PDZRN4: variants seen among roughly 807,000 people sequenced by gnomAD.
The protein encoded by PDZRN4 is PDZ domain-containing RING finger protein 4.
A neutral mutation model predicts 99.0 loss-of-function variants in PDZRN4; 70 were observed. That is an observed-to-expected ratio of 0.71 (90% CI 0.58 to 0.86). The LOEUF (loss-of-function observed/expected upper bound fraction) is 0.86. PDZRN4 is among the 40% of genes least tolerant of loss of function. The probability of loss-of-function intolerance (pLI) is 0.00; values close to 1 mark genes in which losing one functional copy is unlikely to be tolerated. For synonymous variants in PDZRN4, 551 were observed against 501.6 expected (o/e 1.10, Z -1.32); for missense variants, 1,474 against 1,331.2 (o/e 1.11, Z -1.67).
chr12:41,200,742 G>A (rs775993650), intron 3 of PDZRN4, among the ~76,000 whole-genome samples: 4 of 152,068 alleles, frequency 2.6e-5, no homozygotes, highest in Non-Finnish European at 5.9e-5. Context: ...TAACATACTG[G>A]TTTTTGCCCT....
intron 3 of PDZRN4, among the ~76,000 whole-genome samples, chr12:41,266,928 G>A (rs1278216145): frequency 2.0e-5 from 3 of 152,092 alleles, no homozygotes; most frequent in East Asian, 1.9e-4. Context: ...CACAGATTTT[G>A]TAGTACATAT....
At chr12:41,340,593 G>A (rs879585339) in intron 3 of PDZRN4, among the ~76,000 whole-genome samples, 7 of 151,868 alleles carry the variant, frequency 4.6e-5, no homozygotes, top group Admixed American at 4.6e-4. Flanking sequence ...TAATCAGAAT[G>A]TTCATAACAC....
intron 7 of PDZRN4, among the ~76,000 whole-genome samples, chr12:41,559,205 AC>A: frequency 7.0e-6 from 1 of 143,424 alleles, no homozygotes; most frequent in East Asian, 2.1e-4. Flanking sequence ...ACACACACAC[AC>A]GTGCTGTCAC....
intron 3 of PDZRN4, among the ~76,000 whole-genome samples, chr12:41,227,124 TA>T (rs1951000300): frequency 1.3e-5 from 2 of 152,180 alleles, no homozygotes; most frequent in Admixed American, 1.3e-4. Context: ...AATGTCAGAT[TA>T]TTTTTTACAG....
chr12:41,312,770 G>A (rs1951615550), intron 3 of PDZRN4, among the ~76,000 whole-genome samples: 1 of 151,874 alleles, frequency 6.6e-6, no homozygotes, highest in Non-Finnish European at 1.5e-5. Flanking sequence ...ATGGCACATG[G>A]GGATTATTAC....
chr12:41,532,979 C>T (rs186915647), intron 5 of PDZRN4, among the ~76,000 whole-genome samples: 1 of 152,126 alleles, frequency 6.6e-6, no homozygotes, highest in Admixed American at 6.5e-5. Context: ...ATTAGATCAA[C>T]CTGTTAATCA....
At chr12:41,467,559 G>T (rs1192012943) in intron 3 of PDZRN4, among the ~76,000 whole-genome samples, 1 of 152,214 alleles carries the variant, frequency 6.6e-6, no homozygotes, top group Non-Finnish European at 1.5e-5. Flanking sequence ...TTCATTCAGA[G>T]GAAGCAATTG....
At chr12:41,483,562 T>C (rs1454390708) in intron 3 of PDZRN4, among the ~76,000 whole-genome samples, 2 of 152,048 alleles carry the variant, frequency 1.3e-5, no homozygotes, top group African/African-American at 4.8e-5. Flanking sequence ...TGTAAAAGCA[T>C]CAAAAATATT....
intron 3 of PDZRN4, among the ~76,000 whole-genome samples, chr12:41,450,833 C>A (rs535993457): frequency 6.6e-6 from 1 of 152,234 alleles, no homozygotes; most frequent in South Asian, 2.1e-4. Flanking sequence ...GAGGCTAAGA[C>A]AAGAGGATTG....
At chr12:41,432,152 T>C (rs1952591254) in intron 3 of PDZRN4, among the ~76,000 whole-genome samples, 1 of 152,198 alleles carries the variant, frequency 6.6e-6, no homozygotes, top group East Asian at 1.9e-4. Flanking sequence ...TGCTGATATG[T>C]AGAGCAGAAC....
At chr12:41,455,720 C>A (rs1952812261) in intron 3 of PDZRN4, among the ~76,000 whole-genome samples, 1 of 152,096 alleles carries the variant, frequency 6.6e-6, no homozygotes, top group Non-Finnish European at 1.5e-5. Context: ...ATTTTGGCTC[C>A]AATAATACTT....
At chr12:41,529,040 T>C (rs1748132551) in intron 5 of PDZRN4, among the ~76,000 whole-genome samples, 1 of 152,192 alleles carries the variant, frequency 6.6e-6, no homozygotes, top group South Asian at 2.1e-4. Flanking sequence ...TTTCATCCAC[T>C]TTTTCCTCTC....
chr12:41,328,957 A>G (rs924969558), intron 3 of PDZRN4, among the ~76,000 whole-genome samples: 1 of 152,134 alleles, frequency 6.6e-6, no homozygotes, highest in Non-Finnish European at 1.5e-5. Flanking sequence ...GAGTTCACTA[A>G]TGCCTTTTGT....
chr12:41,232,187 A>T (rs1220207493), intron 3 of PDZRN4, among the ~76,000 whole-genome samples: 2 of 152,024 alleles, frequency 1.3e-5, no homozygotes, highest in East Asian at 3.9e-4. Flanking sequence ...TAAGAGCTGA[A>T]ATTTAGATTC....
At chr12:41,436,251 A>C (rs1199932655) in intron 3 of PDZRN4, among the ~76,000 whole-genome samples, 5 of 152,214 alleles carry the variant, frequency 3.3e-5, no homozygotes, top group Non-Finnish European at 7.3e-5. Flanking sequence ...AGGTGAAATT[A>C]GGCCCAGAAA....
At chr12:41,382,635 T>C (rs1290452392) in intron 3 of PDZRN4, among the ~76,000 whole-genome samples, 2 of 152,218 alleles carry the variant, frequency 1.3e-5, no homozygotes, top group African/African-American at 2.4e-5. Flanking sequence ...CAGCAATCTC[T>C]CTGCCTTTTC....
intron 3 of PDZRN4, among the ~76,000 whole-genome samples, chr12:41,215,096 T>G (rs1041182370): frequency 2.0e-5 from 3 of 152,074 alleles, no homozygotes; most frequent in Non-Finnish European, 4.4e-5. Flanking sequence ...TTCTGTGATA[T>G]GGAGAATAGT....
rs187767420 is a variant in PDZRN4 at position 41,340,303 on chromosome 12, T to C, written c.843+146115T>C. On this transcript the variant is annotated intron_variant, in intron 3 of 9. Transcript: ENST00000402685. ...ACATGAATGGAACTGGAGGACATTA[T>C]GTTAAGTGAAGTAAGCCAGGCACAG... Among the ~76,000 whole-genome samples the C allele has an allele frequency of 2.0e-5, 3 of 152,144 alleles. No individual in the cohort carries two copies. The East Asian group carries it at 5.8e-4, about 29-fold the overall frequency.
chr12:41,394,558 G>A (rs184348979), intron 3 of PDZRN4, among the ~76,000 whole-genome samples: 6 of 152,078 alleles, frequency 3.9e-5, no homozygotes, highest in African/African-American at 4.8e-5. Context: ...TAGCTGGCTC[G>A]GGGTCACTCA....
Sources: gnomAD v4.1 joint callset for allele counts (sites outside exome capture counted in the v4.1 genomes callset) on GRCh38, gnomAD v4.1.1 for gene constraint, MANE v1.5 for transcripts, NCBI Gene and HGNC (gene_info 2026-07-23, HGNC 2026-07-21) for gene names.